Variants in PELI2 observed in about 807,000 individuals in gnomAD.
The protein encoded by PELI2 is pellino E3 ubiquitin protein ligase family member 2, also known as E3 ubiquitin-protein ligase pellino homolog 2.
A neutral mutation model predicts 42.3 loss-of-function variants in PELI2; 23 were observed. The observed-to-expected ratio is 0.54, with a 90% CI of 0.39 to 0.77. The LOEUF is 0.77. Ranked by LOEUF, PELI2 falls within the 30% of genes least tolerant of loss-of-function variation. PELI2 has a pLI of 0.00. For missense variants in PELI2, 463 were observed against 553.2 expected, an observed-to-expected ratio of 0.84 and a Z score of 1.64; for synonymous variants, 245 against 212.2, an observed-to-expected ratio of 1.15 and a Z score of -1.34.
chr14:56,223,143 A>G (rs191529418), intron 2 of PELI2, among the ~76,000 whole-genome samples: 1 of 152,124 alleles, frequency 6.6e-6, no homozygotes, highest in African/African-American at 2.4e-5. Flanking sequence ...AACCCAAAGG[A>G]ATAAAGAGGG....
At chr14:56,274,384 T>C (rs1334017211) in intron 2 of PELI2, among the ~76,000 whole-genome samples, 4 of 152,232 alleles carry the variant, frequency 2.6e-5, no homozygotes, top group African/African-American at 9.6e-5. Context: ...TTTCACTTTG[T>C]GGTTGAGAGC....
At chr14:56,120,689 G>A (rs1321792501) in intron 1 of PELI2, among the ~76,000 whole-genome samples, 1 of 152,184 alleles carries the variant, frequency 6.6e-6, no homozygotes, top group Non-Finnish European at 1.5e-5. Flanking sequence ...AGAGTGGAGT[G>A]ACAGGCATAA....
At chr14:56,153,146 A>T (rs577788515) in intron 1 of PELI2, among the ~76,000 whole-genome samples, 4 of 152,302 alleles carry the variant, frequency 2.6e-5, no homozygotes, top group African/African-American at 4.8e-5. Context: ...TTAGCATTTT[A>T]AAAAAAGCAT....
intron 2 of PELI2, among the ~76,000 whole-genome samples, chr14:56,222,369 C>T (rs944421728): frequency 5.3e-5 from 8 of 152,110 alleles, no homozygotes; most frequent in Non-Finnish European, 1.2e-4. Flanking sequence ...TTCCTTAAGT[C>T]GCTATTAAAA....
At chr14:56,175,640 C>T (rs1885347467) in intron 1 of PELI2, among the ~76,000 whole-genome samples, 1 of 152,186 alleles carries the variant, frequency 6.6e-6, no homozygotes, top group South Asian at 2.1e-4. Flanking sequence ...TGTAAGTAGG[C>T]TGGCTTATTA....
rs561545884 is a variant in PELI2 at position 56,299,738 on chromosome 14, A to G, written c.*2572A>G. Reference sequence around the variant, plus strand: ...TTTTTTTATGTCTTGCCATCACTTTAAAGGACTAGCCCCACTCCCCCATGT... The same window carrying G: ...TTTTTTTATGTCTTGCCATCACTTTGAAGGACTAGCCCCACTCCCCCATGT... On this transcript the variant is annotated 3_prime_UTR_variant, in exon 6 of 6. Coordinates refer to ENST00000267460, the MANE Select transcript of PELI2 (RefSeq NM_021255.3). 1 of 152,326 alleles carries G rather than the reference A, an allele frequency of 6.6e-6. No homozygotes were observed. Among genetic ancestry groups the G allele is most frequent in the Non-Finnish European group, 1.5e-5 (1 of 68,034 alleles). The allele number at this position is 152,326 out of a possible 1,614,324, so 9.4% of individuals were successfully genotyped here.
At chr14:56,230,426 A>G (rs1296391623) in intron 2 of PELI2, among the ~76,000 whole-genome samples, 1 of 152,242 alleles carries the variant, frequency 6.6e-6, no homozygotes, top group Admixed American at 6.5e-5. Context: ...ACAAGCCAGA[A>G]GAGAGTGGGG....
intron 2 of PELI2, among the ~76,000 whole-genome samples, chr14:56,236,431 C>T (rs1887798118): frequency 6.6e-6 from 1 of 152,158 alleles, no homozygotes; most frequent in Non-Finnish European, 1.5e-5. Flanking sequence ...TCCAGCATAT[C>T]CAGACTTCTA....
intron 2 of PELI2, among the ~76,000 whole-genome samples, chr14:56,240,260 T>C (rs983017740): frequency 1.3e-5 from 2 of 151,988 alleles, no homozygotes; most frequent in African/African-American, 4.8e-5. Context: ...GATAGGAGGC[T>C]GTTAGGGTAT....
chr14:56,133,954 C>T (rs1273117162), intron 1 of PELI2, among the ~76,000 whole-genome samples: 1 of 152,148 alleles, frequency 6.6e-6, no homozygotes. Context: ...TTGCTGTACC[C>T]TGCTGTAGTT....
chr14:56,246,241 A>C (rs529019235), intron 2 of PELI2, among the ~76,000 whole-genome samples: 1 of 152,320 alleles, frequency 6.6e-6, no homozygotes, highest in East Asian at 1.9e-4. Context: ...ATTACTGGGC[A>C]ACTTGGTACC....
rs559696912 is a variant in PELI2, at chr14:56,219,264, G to T, written c.207+40800G>T. ...GAAGGAAGGAAGAAGACAGAAGGAA[G>T]AAGCTCCCCCGTACAGAGACAGATG... On this transcript the variant is annotated intron_variant, in intron 2 of 5. Transcript: ENST00000267460. The surrounding 1 kb of genome is among the most constrained non-coding windows in gnomAD (Gnocchi z 4.1). 4.5e-4 allele frequency among the ~76,000 whole-genome samples: 69 copies of T among 152,244 alleles called. No homozygotes were observed. The highest frequency in any genetic ancestry group is 1.5e-3 in the African/African-American group (62 of 41,550).
chr14:56,266,592 A>G (rs1196353258), intron 2 of PELI2, among the ~76,000 whole-genome samples: 3 of 152,038 alleles, frequency 2.0e-5, no homozygotes, highest in Admixed American at 6.6e-5. Context: ...TTTACTCCCT[A>G]TAGTGGGGAG....
intron 2 of PELI2, among the ~76,000 whole-genome samples, chr14:56,227,813 A>G (rs764440905): frequency 8.5e-5 from 13 of 152,204 alleles, no homozygotes; most frequent in Admixed American, 2.0e-4. Context: ...TGTTGTGCCA[A>G]AAAGTAAGAG....
chr14:56,144,189 C>T (rs530379367), intron 1 of PELI2, among the ~76,000 whole-genome samples: 1 of 152,306 alleles, frequency 6.6e-6, no homozygotes, highest in East Asian at 1.9e-4. Flanking sequence ...CTCATTACTA[C>T]AGCATATTTA....
At chr14:56,187,517 T>C (rs1345547852) in intron 2 of PELI2, among the ~76,000 whole-genome samples, 1 of 152,202 alleles carries the variant, frequency 6.6e-6, no homozygotes, top group Non-Finnish European at 1.5e-5. Context: ...AAGTTCTGTA[T>C]AGCTGAAAAG....
chr14:56,264,230 T>G (rs1888821264), intron 2 of PELI2, among the ~76,000 whole-genome samples: 1 of 152,154 alleles, frequency 6.6e-6, no homozygotes, highest in Non-Finnish European at 1.5e-5. Context: ...GTGCTAAGTT[T>G]TTCTCACTTT....
chr14:56,188,314 C>G (rs1885842718), intron 2 of PELI2, among the ~76,000 whole-genome samples: 1 of 152,154 alleles, frequency 6.6e-6, no homozygotes, highest in African/African-American at 2.4e-5. Context: ...GGGTCAATAA[C>G]TAATGGATTG....
chr14:56,175,543 T>C (rs1372685431), intron 1 of PELI2, among the ~76,000 whole-genome samples: 1 of 152,222 alleles, frequency 6.6e-6, no homozygotes, highest in Non-Finnish European at 1.5e-5. Flanking sequence ...TAGAAACTTG[T>C]CTCATGGTGA....
Sources: allele counts gnomAD v4.1 joint callset (sites outside exome capture counted in the v4.1 genomes callset), GRCh38; gene constraint gnomAD v4.1.1; non-coding constraint Gnocchi (gnomAD v3.1); transcripts MANE v1.5; gene names NCBI Gene and HGNC (gene_info 2026-07-23, HGNC 2026-07-21).